Variants in DPP6 observed in about 807,000 individuals in gnomAD.
The protein encoded by DPP6 is dipeptidyl peptidase like 6.
In DPP6, 69 loss-of-function variants were observed where a neutral mutation model predicts 122.6. The observed-to-expected ratio is 0.56, with a 90% CI of 0.46 to 0.69. The LOEUF is 0.69. Ranked by LOEUF, DPP6 falls within the 30% of genes least tolerant of loss-of-function variation. The pLI is 0.00. For synonymous variants in DPP6, 418 were observed against 433.1 expected (o/e 0.97, Z 0.43); for missense variants, 928 against 1,116.9 (o/e 0.83, Z 2.41).
Position 154,776,064 on chromosome 7 carries a change from C to A in DPP6, c.1136+3122C>A, listed in dbSNP as rs1052875650. ...CCTCCTGCCCCACCCACTGCTGACCCCACACAGCAGCCAGAGTAACCCTTT... is the reference window on the plus strand; with the variant it reads ...CCTCCTGCCCCACCCACTGCTGACCACACACAGCAGCCAGAGTAACCCTTT... On this transcript the variant is annotated intron_variant, in intron 10 of 25. Transcript: ENST00000377770. Among the ~76,000 whole-genome samples, 11 of 152,066 alleles carry A rather than the reference C, an allele frequency of 7.2e-5. No homozygotes were observed. In the East Asian group the frequency reaches 2.1e-3, roughly 29 times the overall value.
chr7:154,849,137 T>C (rs1802178268), intron 16 of DPP6, among the ~76,000 whole-genome samples: 1 of 152,184 alleles, frequency 6.6e-6, no homozygotes, highest in South Asian at 2.1e-4. Context: ...TTGCTTTGGC[T>C]ATTTGGGGTC....
At chr7:154,551,688 T>C (rs1243270849) in intron 4 of DPP6, among the ~76,000 whole-genome samples, 1 of 152,156 alleles carries the variant, frequency 6.6e-6, no homozygotes, top group Non-Finnish European at 1.5e-5. Context: ...TTTCATTTGC[T>C]CCTTTTGTTC....
the DPP6 span, among the ~76,000 whole-genome samples, chr7:153,839,205 G>GA: frequency 6.6e-6 from 1 of 152,060 alleles, no homozygotes; most frequent in African/African-American, 2.4e-5. Context: ...AAACTATGAG[G>GA]AAAAAATATC....
rs34011988 is a variant in DPP6, at chr7:154,572,683, AT to A, written c.627+5781del. On this transcript the variant is annotated intron_variant, in intron 5 of 25. Coordinates refer to ENST00000377770, the MANE Select transcript of DPP6 (RefSeq NM_130797.4). Reference sequence around the variant, plus strand: ...AGGCACCCGCCACCACACATGGCTAATTTTTTTTTTTTTTGAGACAGAGTCT... The same window carrying A: ...AGGCACCCGCCACCACACATGGCTAATTTTTTTTTTTTTGAGACAGAGTCT... Among the ~76,000 whole-genome samples, 743 of 130,662 alleles carry A rather than the reference AT, an allele frequency of 5.7e-3. 5 individuals are homozygous for A. The highest frequency in any genetic ancestry group is 0.018 in the African/African-American group (609 of 34,482). 85.7% of individuals were successfully genotyped at this position (130,662 alleles called of 152,430 possible). A position where few individuals can be genotyped will look rare whatever the true frequency, so the allele number is the denominator to read the frequency against.
At chr7:154,234,593 A>G (rs1320446791) in intron 1 of DPP6, among the ~76,000 whole-genome samples, 1 of 152,088 alleles carries the variant, frequency 6.6e-6, no homozygotes, top group Non-Finnish European at 1.5e-5. Context: ...ATCCAGTTAA[A>G]CACACACACC....
intron 1 of DPP6, among the ~76,000 whole-genome samples, chr7:153,967,472 C>T (rs960842887): frequency 8.5e-5 from 13 of 152,274 alleles, no homozygotes; most frequent in East Asian, 3.9e-4. Flanking sequence ...ACAACAACTC[C>T]GTAGAATTAC....
intron 1 of DPP6, among the ~76,000 whole-genome samples, chr7:154,245,518 C>T (rs1486590294): frequency 6.6e-6 from 1 of 150,784 alleles, no homozygotes; most frequent in Non-Finnish European, 1.5e-5. Flanking sequence ...GGCCTATAAT[C>T]CCAGCTACTT....
chr7:154,613,511 C>A (rs1018423077), intron 5 of DPP6, among the ~76,000 whole-genome samples: 1 of 150,062 alleles, frequency 6.7e-6, no homozygotes, highest in Non-Finnish European at 1.5e-5. Flanking sequence ...CCCAGCTACT[C>A]GGGAGGCTGA....
chr7:154,671,450 C>T (rs1035560063), intron 7 of DPP6, among the ~76,000 whole-genome samples: 1 of 152,200 alleles, frequency 6.6e-6, no homozygotes, highest in African/African-American at 2.4e-5. Flanking sequence ...TCTCTTTCCA[C>T]CATACCTGCG....
intron 1 of DPP6, among the ~76,000 whole-genome samples, chr7:154,336,966 G>A (rs1809484322): frequency 6.6e-6 from 1 of 152,188 alleles, no homozygotes; most frequent in Admixed American, 6.5e-5. Context: ...ACCCGGCAGG[G>A]ACAACCCTGT....
At chr7:154,444,200 G>A (rs552514855) in intron 1 of DPP6, among the ~76,000 whole-genome samples, 123 of 152,254 alleles carry the variant, frequency 8.1e-4, no homozygotes, top group Non-Finnish European at 1.3e-3. Context: ...GCTCACGCCT[G>A]TAATCCCAGC....
intron 1 of DPP6, among the ~76,000 whole-genome samples, chr7:153,896,053 C>T (rs535312223): frequency 4.6e-5 from 7 of 152,318 alleles, no homozygotes; most frequent in Non-Finnish European, 8.8e-5. Context: ...GGTCTCACTA[C>T]GAGAGGTCTA....
chr7:154,178,688 A>G (rs182183112), intron 1 of DPP6, among the ~76,000 whole-genome samples: 79 of 152,304 alleles, frequency 5.2e-4, no homozygotes, highest in Middle Eastern at 3.4e-3. Flanking sequence ...TCACGTTTAT[A>G]TAGGATTTTA....
At chr7:154,304,042 A>T (rs2150984060) in intron 1 of DPP6, among the ~76,000 whole-genome samples, 1 of 152,368 alleles carries the variant, frequency 6.6e-6, no homozygotes, top group Non-Finnish European at 1.5e-5. Context: ...CATCACAGAG[A>T]TGCAAAGACT....
chr7:153,774,238 G>T, the DPP6 span, among the ~76,000 whole-genome samples: 1 of 152,158 alleles, frequency 6.6e-6, no homozygotes, highest in African/African-American at 2.4e-5. Flanking sequence ...AAGTCCGAAG[G>T]CTTTTATAAG....
intron 5 of DPP6, among the ~76,000 whole-genome samples, chr7:154,593,954 T>G (rs1351219004): frequency 1.3e-5 from 2 of 152,210 alleles, no homozygotes; most frequent in Non-Finnish European, 2.9e-5. Flanking sequence ...TTCTATGATG[T>G]GAGTAATCTG....
chr7:154,135,935 A>G (rs1338647497), intron 1 of DPP6, among the ~76,000 whole-genome samples: 4 of 142,470 alleles, frequency 2.8e-5, no homozygotes, highest in Non-Finnish European at 4.6e-5. Context: ...CACTTCCTCT[A>G]TGCACTTCCT....
At chr7:153,942,862 G>A (rs1432020756) in intron 1 of DPP6, among the ~76,000 whole-genome samples, 1 of 152,100 alleles carries the variant, frequency 6.6e-6, no homozygotes. Context: ...ATTTAAACAC[G>A]TGGTCCAGCA....
At chr7:154,300,789 A>G (rs1805850994) in intron 1 of DPP6, among the ~76,000 whole-genome samples, 1 of 152,216 alleles carries the variant, frequency 6.6e-6, no homozygotes, top group Non-Finnish European at 1.5e-5. Flanking sequence ...CTCATAAATG[A>G]AATGGGGATA....
Sources: gnomAD v4.1 joint callset for allele counts (sites outside exome capture counted in the v4.1 genomes callset) on GRCh38, gnomAD v4.1.1 for gene constraint, MANE v1.5 for transcripts, NCBI Gene and HGNC (gene_info 2026-07-23, HGNC 2026-07-21) for gene names.